Variants in CDH18 observed in about 807,000 individuals in gnomAD.
CDH18 encodes the protein cadherin 18, also known as cadherin-18.
A neutral mutation model predicts 67.9 loss-of-function variants in CDH18; 31 were observed. The observed-to-expected ratio is 0.46, with a 90% CI of 0.34 to 0.62. The LOEUF is 0.62. Among genes scored for constraint, CDH18 ranks in the 20% least tolerant of loss-of-function variants. The pLI is 0.01. For synonymous variants in CDH18, 362 were observed against 347.2 expected, an observed-to-expected ratio of 1.04 and a Z score of -0.48; for missense variants, 890 against 975.5, an observed-to-expected ratio of 0.91 and a Z score of 1.17.
chr5:19,711,166 C>A (rs1764650723), intron 5 of CDH18, among the ~76,000 whole-genome samples: 1 of 152,054 alleles, frequency 6.6e-6, no homozygotes, highest in Non-Finnish European at 1.5e-5. Flanking sequence ...GGGACAAACT[C>A]ATCTAGACAT....
chr5:20,011,075 A>C (rs1297382483), intron 2 of CDH18, among the ~76,000 whole-genome samples: 1 of 152,158 alleles, frequency 6.6e-6, no homozygotes, highest in African/African-American at 2.4e-5. Flanking sequence ...TATCTCAAAC[A>C]ACTGTTGTTG....
intron 1 of CDH18, among the ~76,000 whole-genome samples, chr5:20,394,907 G>A (rs763017390): frequency 2.7e-4 from 41 of 152,014 alleles, no homozygotes; most frequent in Non-Finnish European, 5.0e-4. Context: ...CAGGCAGGAT[G>A]GCAAGTATTA....
At chr5:19,783,415 T>G (rs1380793248) in intron 3 of CDH18, among the ~76,000 whole-genome samples, 1 of 152,132 alleles carries the variant, frequency 6.6e-6, no homozygotes, top group Non-Finnish European at 1.5e-5. Flanking sequence ...ACTCATATAT[T>G]TCCATTTTAA....
rs7729805 is a variant in CDH18, at chr5:19,839,952, A to G, written c.-256-710T>C. 6.5e-3 allele frequency among the ~76,000 whole-genome samples: 986 copies of G among 152,168 alleles called. 14 individuals carry two copies. The highest frequency in any genetic ancestry group is 0.023 in the African/African-American group (957 of 41,530). On this transcript the variant is annotated intron_variant, in intron 2 of 12. Coordinates refer to ENST00000382275, the MANE Select transcript of CDH18 (RefSeq NM_004934.5). The stretch of plus-strand genomic sequence containing the variant: ...AAATAAACAGAGGAAAAATGTTTTG[A>G]TTTTTAAAATTAAAAGAAGTTGAAG...
chr5:20,339,620 A>G (rs907768201), intron 1 of CDH18, among the ~76,000 whole-genome samples: 14 of 151,774 alleles, frequency 9.2e-5, no homozygotes, highest in Admixed American at 2.6e-4. Flanking sequence ...CGTCAAACTT[A>G]CCCCATTCTA....
intron 4 of CDH18, among the ~76,000 whole-genome samples, chr5:19,734,197 T>C (rs972285658): frequency 6.6e-6 from 1 of 152,228 alleles, no homozygotes; most frequent in African/African-American, 2.4e-5. Flanking sequence ...AGCTGGTTGA[T>C]TGAAAGAGAA....
intron 9 of CDH18, among the ~76,000 whole-genome samples, chr5:19,543,607 C>T (rs1735785129): frequency 6.6e-6 from 1 of 152,014 alleles, no homozygotes; most frequent in Admixed American, 6.6e-5. Context: ...AGAAGGAGAA[C>T]CAAATGCCCT....
intron 8 of CDH18, among the ~76,000 whole-genome samples, chr5:19,556,453 T>A (rs1265507585): frequency 6.6e-6 from 1 of 151,984 alleles, no homozygotes; most frequent in Non-Finnish European, 1.5e-5. Context: ...TGGAAATCAA[T>A]GACATACTTA....
chr5:19,627,499 C>T (rs1289865965), intron 5 of CDH18, among the ~76,000 whole-genome samples: 1 of 152,116 alleles, frequency 6.6e-6, no homozygotes, highest in Non-Finnish European at 1.5e-5. Context: ...ATTGCAACAA[C>T]TGATTGGTTA....
intron 8 of CDH18, among the ~76,000 whole-genome samples, chr5:19,549,250 G>A (rs1230490796): frequency 6.6e-6 from 1 of 152,060 alleles, no homozygotes; most frequent in Non-Finnish European, 1.5e-5. Context: ...ACTCTCAGTA[G>A]TTCATGCAAA....
intron 4 of CDH18, among the ~76,000 whole-genome samples, chr5:19,744,124 C>G (rs1310925964): frequency 6.6e-6 from 1 of 152,008 alleles, no homozygotes; most frequent in African/African-American, 2.4e-5. Context: ...TACACACACA[C>G]AAACTTACTG....
At chr5:20,056,918 C>A (rs1054572278) in intron 2 of CDH18, among the ~76,000 whole-genome samples, 3 of 151,868 alleles carry the variant, frequency 2.0e-5, no homozygotes, top group Non-Finnish European at 2.9e-5. Flanking sequence ...ATCTCCTGAC[C>A]TGGTGATCAG....
chr5:19,759,655 C>G (rs1389415826), intron 3 of CDH18, among the ~76,000 whole-genome samples: 1 of 152,174 alleles, frequency 6.6e-6, no homozygotes, highest in Non-Finnish European at 1.5e-5. Context: ...GAATCAACGT[C>G]AGCTCAGAGC....
chr5:20,185,642 T>A (rs888671938), intron 2 of CDH18, among the ~76,000 whole-genome samples: 8 of 152,064 alleles, frequency 5.3e-5, no homozygotes, highest in African/African-American at 1.7e-4. Context: ...CAGAGCTCAC[T>A]CTTTAACTTC....
chr5:20,526,255 C>T (rs1756051384), intron 1 of CDH18, among the ~76,000 whole-genome samples: 1 of 152,140 alleles, frequency 6.6e-6, no homozygotes, highest in South Asian at 2.1e-4. Context: ...GCAGACAGAA[C>T]TCTCATTTCC....
intron 1 of CDH18, among the ~76,000 whole-genome samples, chr5:20,417,447 T>A (rs1464136796): frequency 1.3e-5 from 2 of 152,228 alleles, no homozygotes; most frequent in Non-Finnish European, 2.9e-5. Flanking sequence ...TATATATTTA[T>A]GCTTTTAGCA....
intron 10 of CDH18, among the ~76,000 whole-genome samples, chr5:19,506,913 T>G (rs1466937211): frequency 1.3e-5 from 2 of 152,136 alleles, no homozygotes; most frequent in African/African-American, 4.8e-5. Context: ...TGGGATCTAA[T>G]TAAACTAAAG....
At chr5:20,496,058 G>T (rs1445800537) in intron 1 of CDH18, among the ~76,000 whole-genome samples, 2 of 152,044 alleles carry the variant, frequency 1.3e-5, no homozygotes, top group African/African-American at 2.4e-5. Flanking sequence ...AGAAGAGAAA[G>T]AAATGGAACA....
chr5:19,921,187 A>C (rs1792407601), intron 2 of CDH18, among the ~76,000 whole-genome samples: 1 of 152,166 alleles, frequency 6.6e-6, no homozygotes, highest in Admixed American at 6.5e-5. Context: ...GGATGTGACA[A>C]ATTAAAGATT....
Sources: allele counts gnomAD v4.1 joint callset (sites outside exome capture counted in the v4.1 genomes callset), GRCh38; gene constraint gnomAD v4.1.1; transcripts MANE v1.5; gene names NCBI Gene and HGNC (gene_info 2026-07-23, HGNC 2026-07-21).